DENND2C: variants seen among roughly 807,000 people sequenced by gnomAD.
The protein encoded by DENND2C is DENN domain-containing protein 2C.
A neutral mutation model predicts 112.4 loss-of-function variants in DENND2C; 72 were observed. The observed-to-expected ratio is 0.64, with a 90% CI of 0.53 to 0.78. DENND2C has a LOEUF of 0.78. Among genes scored for constraint, DENND2C ranks in the 30% least tolerant of loss-of-function variants. DENND2C has a pLI of 0.00. For synonymous variants in DENND2C, 329 were observed against 381.6 expected, an observed-to-expected ratio of 0.86 and a Z score of 1.61; for missense variants, 992 against 1,113.8, an observed-to-expected ratio of 0.89 and a Z score of 1.56.
At chr1:114,601,417 C>CTAGTTAAA (rs1655501541) in intron 13 of DENND2C, 91 bp downstream of exon 13, 1 of 1,313,474 alleles carries the variant, frequency 7.6e-7, no homozygotes, top group African/African-American at 1.5e-5. Context: ...TAATAGGGAA[C>CTAGTTAAA]CTTTCTGAAG....
At chr1:114,594,855 C>T (rs890654431) in intron 17 of DENND2C, among the ~76,000 whole-genome samples, 1 of 152,180 alleles carries the variant, frequency 6.6e-6, no homozygotes, top group Admixed American at 6.6e-5. Flanking sequence ...TGAAGATCAT[C>T]CACAAATAGT....
At chr1:114,621,767 C>T in intron 7 of DENND2C, 128 bp downstream of exon 7, 1 of 1,227,978 alleles carries the variant, frequency 8.1e-7, no homozygotes, top group Non-Finnish European at 1.1e-6. Flanking sequence ...CATAACGCTG[C>T]CTTCTAAGTC....
At chr1:114,639,412 C>G (rs1656754500) in intron 3 of DENND2C, among the ~76,000 whole-genome samples, 1 of 151,948 alleles carries the variant, frequency 6.6e-6, no homozygotes, top group South Asian at 2.1e-4. Context: ...AACCCCACCT[C>G]TACTAAAAAT....
intron 5 of DENND2C, 22 bp from the exon 6 acceptor site, chr1:114,623,121 AT>A (rs1411893862): frequency 1.3e-6 from 2 of 1,581,044 alleles, no homozygotes; most frequent in Non-Finnish European, 1.7e-6. Flanking sequence ...ATTTAAAAAA[AT>A]GTTTACATGA....
At chr1:114,620,526 A>T (rs1656136348) in intron 7 of DENND2C, among the ~76,000 whole-genome samples, 1 of 152,158 alleles carries the variant, frequency 6.6e-6, no homozygotes. Context: ...TAAGAACCAC[A>T]TCTTAAATGC....
At chr1:114,599,565 A>T in intron 15 of DENND2C, 114 bp from the exon 16 acceptor site, 1 of 808,444 alleles carries the variant, frequency 1.2e-6, no homozygotes. Flanking sequence ...TAGATTAAAA[A>T]CTATGCAAAC....
chr1:114,624,937 A>T (rs759657840), intron 4 of DENND2C, among the ~76,000 whole-genome samples: 4 of 152,134 alleles, frequency 2.6e-5, no homozygotes, highest in African/African-American at 4.8e-5. Flanking sequence ...CAGATTCTTA[A>T]AGATATATTA....
intron 3 of DENND2C, among the ~76,000 whole-genome samples, chr1:114,640,674 T>C (rs975524272): frequency 1.2e-4 from 18 of 152,116 alleles, no homozygotes; most frequent in Non-Finnish European, 2.5e-4. Context: ...TTAAAGAAAA[T>C]AGTCTACAGC....
chr1:114,634,595 G>A (rs1369138632), intron 3 of DENND2C, among the ~76,000 whole-genome samples: 1 of 152,142 alleles, frequency 6.6e-6, no homozygotes, highest in Non-Finnish European at 1.5e-5. Context: ...TACTGAGAAT[G>A]TTCTCTAGCC....
At chr1:114,659,714 A>ATTCCTTTCCTTTCCTTTCCTTT in intron 1 of DENND2C, among the ~76,000 whole-genome samples, 1 of 150,972 alleles carries the variant, frequency 6.6e-6, no homozygotes, top group Non-Finnish European at 1.5e-5. Context: ...TGCCCAAGAG[A>ATTCCTTTCCTTTCCTTTCCTTT]TTCCTTTCCT....
rs1656322239 is a variant in DENND2C, at chr1:114,625,747, C to A, written c.238G>T (p.Gly80Cys). Residue 80 changes from glycine to cysteine, a missense_variant, in exon 4 of 21, where the codon GGT becomes TGT. Gly to Cys is a radical substitution (Grantham distance 159). Transcript: ENST00000393274. ...NLDVTSRENV[G>C]LDINENTKSH... The stretch of plus-strand genomic sequence containing the variant: ...TTGGTATTTTCATTTATATCTAGAC[C>A]CACATTTTCACGGCTGGTTACATCC... 1 of 1,613,894 alleles carries A rather than the reference C, an allele frequency of 6.2e-7. No individual in the cohort carries two copies. Among genetic ancestry groups the A allele is most frequent in the Admixed American group, 1.7e-5 (1 of 59,990 alleles).
chr1:114,639,723 T>C (rs1656767801), intron 3 of DENND2C, among the ~76,000 whole-genome samples: 1 of 152,006 alleles, frequency 6.6e-6, no homozygotes, highest in Non-Finnish European at 1.5e-5. Flanking sequence ...TTTTTTTTTT[T>C]TTTGAGATGG....
chr1:114,594,675 G>A lies in DENND2C; in HGVS notation c.2326-97C>T, dbSNP rs145613419. On this transcript the variant is annotated intron_variant, in intron 17 of 20. Transcript: ENST00000393274. ...GTTATTTCTCCAAAATTCCACAAGTGACTGTATATATTTTGGCTAAAGAGT... is the reference window on the plus strand; with the variant it reads ...GTTATTTCTCCAAAATTCCACAAGTAACTGTATATATTTTGGCTAAAGAGT... 2.1e-4 allele frequency: 209 copies of A among 1,006,142 alleles called. 1 individual carries two copies. In the African/African-American group the frequency reaches 2.9e-3, roughly 14 times the overall value. 62.3% of individuals were successfully genotyped at this position (1,006,142 alleles called of 1,614,324 possible). A position where few individuals can be genotyped will look rare whatever the true frequency, so the allele number is the denominator to read the frequency against.
intron 8 of DENND2C, among the ~76,000 whole-genome samples, chr1:114,617,307 CTTA>C (rs138125612): frequency 0.055 from 8,277 of 151,774 alleles, 326 homozygotes; most frequent in African/African-American, 0.1. Context: ...AAGGATAAAA[CTTA>C]TTATTTTTTT....
At position 114,626,127 on chromosome 1, in the gene DENND2C, A is replaced by G; in HGVS notation, c.-143T>C. Reference sequence around the variant, plus strand: ...ATGTTTAACTTGTAAATCTCTTTGTAAAAAGAAAATTTTGATCAGTGATCC... The same window carrying G: ...ATGTTTAACTTGTAAATCTCTTTGTGAAAAGAAAATTTTGATCAGTGATCC... On this transcript the variant is annotated 5_prime_UTR_variant, in exon 4 of 21. Coordinates refer to ENST00000393274, the MANE Select transcript of DENND2C (RefSeq NM_001256404.2). The G allele has an allele frequency of 1.1e-6, 1 of 887,232 alleles. No homozygotes were observed. The highest frequency in any genetic ancestry group is 2.3e-5 in the South Asian group (1 of 43,738). The allele number at this position is 887,232 out of a possible 1,614,324, so 55.0% of individuals were successfully genotyped here. A position where few individuals can be genotyped will look rare whatever the true frequency, so the allele number is the denominator to read the frequency against.
intron 1 of DENND2C, among the ~76,000 whole-genome samples, chr1:114,655,735 C>T (rs1033786552): frequency 6.6e-6 from 1 of 151,972 alleles, no homozygotes; most frequent in African/African-American, 2.4e-5. Context: ...CCACCCACCT[C>T]GGCCTCCCAA....
chr1:114,615,504 T>C (rs777820273), intron 8 of DENND2C, among the ~76,000 whole-genome samples: 3 of 152,240 alleles, frequency 2.0e-5, no homozygotes, highest in Non-Finnish European at 4.4e-5. Context: ...TTGTCATACG[T>C]TATACATGAG....
chr1:114,640,554 C>T (rs538053015), intron 3 of DENND2C, among the ~76,000 whole-genome samples: 6 of 152,178 alleles, frequency 3.9e-5, no homozygotes, highest in African/African-American at 1.2e-4. Flanking sequence ...GTGTGTGTGA[C>T]CATGGTGGGG....
At position 114,584,179 on chromosome 1, in the gene DENND2C, C is replaced by G. The variant is rs1654980359; in HGVS notation, c.*1421G>C. 1 of 152,162 alleles carries G rather than the reference C, an allele frequency of 6.6e-6. No homozygotes were observed. The highest frequency in any genetic ancestry group is 2.4e-5 in the African/African-American group (1 of 41,438). 9.4% of individuals were successfully genotyped at this position (152,162 alleles called of 1,614,324 possible). On this transcript the variant is annotated 3_prime_UTR_variant, in exon 21 of 21. Coordinates refer to ENST00000393274, the MANE Select transcript of DENND2C (RefSeq NM_001256404.2). ...CATCTGTAGGACTAACCAACTTTTT[C>G]TGTGTCCATAAAAGTCTTGGCTTCA...
Sources: gnomAD v4.1 joint callset for allele counts (sites outside exome capture counted in the v4.1 genomes callset) on GRCh38, gnomAD v4.1.1 for gene constraint, MANE v1.5 for transcripts, NCBI Gene and HGNC (gene_info 2026-07-23, HGNC 2026-07-21) for gene names.